The following GPC4 variants were observed in gnomAD, a reference collection of about 807,000 sequenced individuals.
GPC4 encodes glypican-4.
Under a neutral mutation model 35.0 loss-of-function variants are expected in GPC4, and 10 were observed. That is an observed-to-expected ratio of 0.29 (90% CI 0.18 to 0.48). The LOEUF (loss-of-function observed/expected upper bound fraction) is 0.48. Among genes scored for constraint, GPC4 ranks in the 20% least tolerant of loss-of-function variants. The pLI, the probability that GPC4 is intolerant of heterozygous loss-of-function variation, is 0.99. For missense variants in GPC4, 322 were observed against 451.3 expected, an observed-to-expected ratio of 0.71 and a Z score of 2.60; for synonymous variants, 167 against 170.2, an observed-to-expected ratio of 0.98 and a Z score of 0.15.
chrX:133,344,266 C>T (rs1293516787), intron 1 of GPC4, among the ~76,000 whole-genome samples: 2 of 79,993 alleles, frequency 2.5e-5, no homozygotes, highest in Non-Finnish European at 4.7e-5. Flanking sequence ...GCTCCTGTTG[C>T]CCAGGCTGGA....
At chrX:133,314,910 G>A (rs187267038) in intron 3 of GPC4, among the ~76,000 whole-genome samples, 5 of 111,017 alleles carry the variant, frequency 4.5e-5, no homozygotes, top group African/African-American at 3.3e-5. Flanking sequence ...CACCCTTGTC[G>A]ACCTGCCCAG....
chrX:133,321,509 A>G (rs1280646803), intron 3 of GPC4, among the ~76,000 whole-genome samples: 1 of 112,433 alleles, frequency 8.9e-6, no homozygotes, highest in Non-Finnish European at 1.9e-5. Context: ...CAAACTAGCA[A>G]AGGGCTCTTG....
intron 2 of GPC4, among the ~76,000 whole-genome samples, chrX:133,335,356 T>C (rs943797690): frequency 9.0e-6 from 1 of 111,327 alleles, no homozygotes; most frequent in Non-Finnish European, 1.9e-5. Context: ...AGGCCAGTCT[T>C]TAAACTCAGT....
rs1359443202 is a variant in GPC4, at chrX:133,301,143, G to A, written c.*1724C>T. ...CCCAATATTCCATTTTGACCACTCT[G>A]CAGAATTTGGTGTAAAAAGTTGAAT... On this transcript the variant is annotated 3_prime_UTR_variant, in exon 9 of 9. Transcript: ENST00000370828. The A allele has an allele frequency of 1.8e-5, 2 of 112,402 alleles. No homozygotes were observed. Among genetic ancestry groups the A allele is most frequent in the East Asian group, 5.6e-4 (2 of 3,594 alleles). 9.3% of individuals were successfully genotyped at this position (112,402 alleles called of 1,213,427 possible).
At chrX:133,310,558 C>T (rs1358176351) in intron 4 of GPC4, among the ~76,000 whole-genome samples, 3 of 111,614 alleles carry the variant, frequency 2.7e-5, no homozygotes, top group Non-Finnish European at 5.6e-5. Flanking sequence ...ATATGTATCC[C>T]TTAAATTCTC....
intron 5 of GPC4, 44 bp from the exon 6 acceptor site, chrX:133,305,962 A>C (rs765046024): frequency 1.7e-6 from 2 of 1,210,008 alleles, no homozygotes; most frequent in Admixed American, 4.4e-5. Context: ...GTCACTCCCA[A>C]GGCGGGAGGC....
At chrX:133,303,413 G>A (rs1325879515) in intron 7 of GPC4, 72 bp from the exon 8 acceptor site, 2 of 911,408 alleles carry the variant, frequency 2.2e-6, no homozygotes, top group Non-Finnish European at 1.5e-6. Flanking sequence ...CTCCCAAAGT[G>A]CTGGGATTAC....
At chrX:133,413,894 A>G (rs1346818960) in intron 1 of GPC4, among the ~76,000 whole-genome samples, 1 of 110,317 alleles carries the variant, frequency 9.1e-6, no homozygotes, top group Non-Finnish European at 1.9e-5. Context: ...GCTTTCACAA[A>G]TACCCCCATA....
At chrX:133,309,071 C>T (rs1260744269) in intron 4 of GPC4, among the ~76,000 whole-genome samples, 3 of 110,433 alleles carry the variant, frequency 2.7e-5, no homozygotes, top group Non-Finnish European at 5.7e-5. Flanking sequence ...TCTACAACCA[C>T]AAAGCAGATT....
intron 1 of GPC4, among the ~76,000 whole-genome samples, chrX:133,410,703 T>G (rs886929441): frequency 2.7e-5 from 3 of 112,296 alleles, no homozygotes; most frequent in Admixed American, 9.5e-5. Context: ...TGAAATTGCA[T>G]GCAACCCAAC....
intron 1 of GPC4, among the ~76,000 whole-genome samples, chrX:133,398,167 A>C (rs1426334753): frequency 4.5e-5 from 5 of 111,827 alleles, no homozygotes; most frequent in Non-Finnish European, 9.4e-5. Context: ...TAGTCTTCAT[A>C]TTTAAGCAAA....
chrX:133,387,334 T>G (rs750081865), intron 1 of GPC4, among the ~76,000 whole-genome samples: 11 of 111,683 alleles, frequency 9.8e-5, no homozygotes, highest in African/African-American at 3.6e-4. Context: ...CCAAAGCATT[T>G]TGCAGGGATA....
chrX:133,353,979 T>C (rs2068528658), intron 1 of GPC4, among the ~76,000 whole-genome samples: 1 of 111,989 alleles, frequency 8.9e-6, no homozygotes, highest in Non-Finnish European at 1.9e-5. Context: ...AAGTCTTTGA[T>C]GTGATAGCAA....
chrX:133,412,752 G>C (rs1325711611), intron 1 of GPC4, among the ~76,000 whole-genome samples: 1 of 111,430 alleles, frequency 9.0e-6, no homozygotes, highest in Admixed American at 9.6e-5. Context: ...GACAATCAAA[G>C]GGAACACCTA....
chrX:133,331,853 A>G (rs1302510910), intron 2 of GPC4, among the ~76,000 whole-genome samples: 2 of 111,601 alleles, frequency 1.8e-5, no homozygotes, highest in African/African-American at 3.3e-5. Context: ...CAAAAAGATT[A>G]GGTAAATACA....
In GPC4 at chrX:133,301,587, A is replaced by T. The variant is rs2068267215; in HGVS notation, c.*1280T>A. 8.9e-6 allele frequency: 1 copy of T among 111,766 alleles called. No individual in the cohort carries two copies. Among genetic ancestry groups the T allele is most frequent in the South Asian group, 3.8e-4 (1 of 2,625 alleles). The allele number at this position is 111,766 out of a possible 1,213,427, so 9.2% of individuals were successfully genotyped here. A position where few individuals can be genotyped will look rare whatever the true frequency, so the allele number is the denominator to read the frequency against. On this transcript the variant is annotated 3_prime_UTR_variant, in exon 9 of 9. Coordinates refer to ENST00000370828, the MANE Select transcript of GPC4 (RefSeq NM_001448.3). ...CCCCATCCCCCAAGAAAAACAACACATACAAAAATCTGGACACCTAGTTCT... is the reference window on the plus strand; with the variant it reads ...CCCCATCCCCCAAGAAAAACAACACTTACAAAAATCTGGACACCTAGTTCT...
At chrX:133,317,570 T>C (rs1209688031) in intron 3 of GPC4, among the ~76,000 whole-genome samples, 1 of 111,823 alleles carries the variant, frequency 8.9e-6, no homozygotes, top group Non-Finnish European at 1.9e-5. Context: ...CATTACACAG[T>C]GATGACAGTC....
At chrX:133,318,143 C>A (rs1302504603) in intron 3 of GPC4, among the ~76,000 whole-genome samples, 1 of 111,750 alleles carries the variant, frequency 8.9e-6, no homozygotes. Flanking sequence ...ATCCTCACCC[C>A]TTCCCCACTC....
At chrX:133,393,807 T>G (rs1317714986) in intron 1 of GPC4, among the ~76,000 whole-genome samples, 13 of 112,110 alleles carry the variant, frequency 1.2e-4, no homozygotes, top group Non-Finnish European at 5.6e-5. Flanking sequence ...AAAAATAATC[T>G]AAATATCCAT....
Sources: gnomAD v4.1 joint callset for allele counts (sites outside exome capture counted in the v4.1 genomes callset) on GRCh38, gnomAD v4.1.1 for gene constraint, MANE v1.5 for transcripts, NCBI Gene and HGNC (gene_info 2026-07-23, HGNC 2026-07-21) for gene names.